CASP2: variants seen among roughly 807,000 people sequenced by gnomAD.
CASP2 encodes caspase-2.
CASP2 carries 38 observed loss-of-function variants against 54.4 expected under a neutral mutation model. That is an observed-to-expected ratio of 0.70 (90% CI 0.54 to 0.92). The LOEUF is 0.92. CASP2 is among the 40% of genes least tolerant of loss of function. The probability of loss-of-function intolerance (pLI) is 0.00; values close to 1 mark genes in which losing one functional copy is unlikely to be tolerated. For synonymous variants in CASP2, 215 were observed against 216.3 expected, an observed-to-expected ratio of 0.99 and a Z score of 0.05; for missense variants, 512 against 579.6, an observed-to-expected ratio of 0.88 and a Z score of 1.20.
chr7:143,296,343 T>A (rs893109779), intron 6 of CASP2, among the ~76,000 whole-genome samples: 1 of 152,220 alleles, frequency 6.6e-6, no homozygotes, highest in Non-Finnish European at 1.5e-5. Flanking sequence ...ATTTTAAAGA[T>A]CAGATGAGGG....
At chr7:143,297,681 A>G (rs1399857412) in intron 6 of CASP2, among the ~76,000 whole-genome samples, 3 of 152,210 alleles carry the variant, frequency 2.0e-5, no homozygotes, top group Non-Finnish European at 4.4e-5. Context: ...TCCTGACCTC[A>G]GGTGATCCAC....
intron 8 of CASP2, chr7:143,301,499 T>A (rs763404428): frequency 6.6e-6 from 1 of 152,192 alleles, no homozygotes; most frequent in Non-Finnish European, 1.5e-5. Flanking sequence ...AGGCCTCATG[T>A]AAGCAAAGGT....
rs1802077688 is a variant in CASP2, at chr7:143,306,774, G to GC, written c.*1704dup. 6.6e-6 allele frequency: 1 copy of GC among 152,132 alleles called. No homozygotes were observed. Among genetic ancestry groups the GC allele is most frequent in the Admixed American group, 6.5e-5 (1 of 15,272 alleles). The allele number at this position is 152,132 out of a possible 1,614,324, so 9.4% of individuals were successfully genotyped here. On this transcript the variant is annotated 3_prime_UTR_variant, in exon 11 of 11. Coordinates refer to ENST00000310447, the MANE Select transcript of CASP2 (RefSeq NM_032982.4). ...GCCTCTCAAATAGCTGGGCTTACAG[G>GC]CATGAGCCACCACACCTGGCCAGGA... is the stretch of plus-strand genomic sequence containing the variant.
intron 6 of CASP2, chr7:143,298,921 T>C (rs1801834311): frequency 6.6e-6 from 1 of 152,052 alleles, no homozygotes; most frequent in African/African-American, 2.4e-5. Flanking sequence ...CACATTGTAA[T>C]GGCACATTTT....
chr7:143,288,374 G>C lies in CASP2; in HGVS notation c.-82G>C. On this transcript the variant is annotated 5_prime_UTR_variant, in exon 1 of 11. Coordinates refer to ENST00000310447, the MANE Select transcript of CASP2 (RefSeq NM_032982.4). ...GCGCAGTGTGCGTCCGCGTCTGAGG[G>C]GAGGGATGTGGGGGAAGCGACGGCC... 2.2e-6 allele frequency: 3 copies of C among 1,391,982 alleles called. No individual in the cohort carries two copies. The highest frequency in any genetic ancestry group is 3.0e-6 in the Non-Finnish European group (3 of 992,092). The allele number at this position is 1,391,982 out of a possible 1,614,324, so 86.2% of individuals were successfully genotyped here. A position where few individuals can be genotyped will look rare whatever the true frequency, so the allele number is the denominator to read the frequency against.
chr7:143,304,625 C>G (rs1802013388), intron 9 of CASP2, 49 bp from the exon 10 acceptor site: 3 of 1,355,348 alleles, frequency 2.2e-6, no homozygotes, highest in Non-Finnish European at 3.2e-6. Context: ...TTGGGAAGTG[C>G]AGCTGTGTGA....
intron 8 of CASP2, chr7:143,302,859 A>T (rs1165338237): frequency 6.6e-6 from 1 of 152,238 alleles, no homozygotes; most frequent in African/African-American, 2.4e-5. Flanking sequence ...AAGAGCAAGG[A>T]TCTGCTCAGG....
intron 2 of CASP2, among the ~76,000 whole-genome samples, 177 bp from the exon 3 acceptor site, chr7:143,292,123 G>A (rs568059177): frequency 3.3e-5 from 5 of 152,204 alleles, no homozygotes; most frequent in African/African-American, 1.2e-4. Flanking sequence ...TTCTACCGTA[G>A]AGCATTTGAG....
intron 6 of CASP2, among the ~76,000 whole-genome samples, chr7:143,299,474 A>T (rs1801851125): frequency 6.6e-6 from 1 of 152,240 alleles, no homozygotes; most frequent in Non-Finnish European, 1.5e-5. Flanking sequence ...ATTCTCTACT[A>T]TCATGATGCT....
intron 8 of CASP2, chr7:143,301,230 TG>T (rs1801908442): frequency 6.6e-6 from 1 of 152,264 alleles, no homozygotes; most frequent in South Asian, 2.1e-4. Flanking sequence ...GCTTATAGTT[TG>T]CTTTAAAGGT....
chr7:143,304,080 T>A (rs1801997786), intron 9 of CASP2, 147 bp downstream of exon 9: 2 of 784,280 alleles, frequency 2.6e-6, no homozygotes, highest in Non-Finnish European at 4.2e-6. Flanking sequence ...TTTTTTTGGA[T>A]TTTGGAATAT....
chr7:143,301,017 A>C, intron 8 of CASP2: 1 of 663,880 alleles, frequency 1.5e-6, no homozygotes, highest in Non-Finnish European at 1.9e-6. Flanking sequence ...AGTAACGTGA[A>C]GTTAAAGAAG....
chr7:143,288,552 G>A (rs377012822), intron 1 of CASP2, 23 bp downstream of exon 1: 1 of 1,602,810 alleles, frequency 6.2e-7, no homozygotes, highest in Non-Finnish European at 8.5e-7. Flanking sequence ...CGGTCTTAGG[G>A]CTCCTTAGGG....
At chr7:143,302,968 T>TA (rs1801959309) in intron 8 of CASP2, 1 of 152,140 alleles carries the variant, frequency 6.6e-6, no homozygotes, top group African/African-American at 2.4e-5. Flanking sequence ...TTTTTCCTCT[T>TA]AAAATTTTCA....
intron 6 of CASP2, among the ~76,000 whole-genome samples, chr7:143,299,095 G>A (rs1416531780): frequency 1.3e-5 from 2 of 152,088 alleles, no homozygotes; most frequent in East Asian, 1.9e-4. Context: ...GAGTAGCTGG[G>A]ACTATAAGCA....
intron 1 of CASP2, among the ~76,000 whole-genome samples, chr7:143,290,425 A>C (rs770037164): frequency 2.0e-5 from 3 of 152,124 alleles, no homozygotes; most frequent in Non-Finnish European, 4.4e-5. Flanking sequence ...TAAGTTATAA[A>C]TGGAAGTTAT....
chr7:143,288,653 C>T (rs1801457726), intron 1 of CASP2, 124 bp downstream of exon 1: 1 of 933,430 alleles, frequency 1.1e-6, no homozygotes, highest in Non-Finnish European at 1.6e-6. Flanking sequence ...TCCGCGCTTC[C>T]TGCCAAGGGT....
rs369175154 is a variant in CASP2, at chr7:143,303,795, C to G, written c.979C>G (p.Arg327Gly). The change falls in exon 9 of 11, where the codon CGT (arginine) becomes GGT (glycine). Residue 327 changes from arginine (R) to glycine (G), a missense_variant. Physicochemically the swap from Arg to Gly is moderately radical, Grantham distance 125. This residue lies in a region of CASP2 where 417 missense variants were observed against 495.4 expected (regional missense o/e 0.84). Coordinates refer to ENST00000310447, the MANE Select transcript of CASP2 (RefSeq NM_032982.4). ...TGCCTTTGTTACAGATGAGACTGAT[C>G]GTGGGGTTGACCAACAAGATGGAAA... ...IQACRGDETD[R>G]GVDQQDGKNH... 6 of 1,613,736 alleles carry G rather than the reference C, an allele frequency of 3.7e-6. No homozygotes were observed. Among genetic ancestry groups the G allele is most frequent in the Non-Finnish European group, 5.1e-6 (6 of 1,179,804 alleles).
intron 8 of CASP2, chr7:143,300,535 C>G (rs564574124): frequency 1.3e-6 from 2 of 1,549,052 alleles, no homozygotes; most frequent in South Asian, 1.2e-5. Context: ...ATCCTGTTTT[C>G]AGGTCTCTTA....
Sources: gnomAD v4.1 joint callset for allele counts (sites outside exome capture counted in the v4.1 genomes callset) on GRCh38, gnomAD v4.1.1 for gene constraint, gnomAD v4.1.1 regional missense constraint, MANE v1.5 for transcripts, NCBI Gene and HGNC (gene_info 2026-07-23, HGNC 2026-07-21) for gene names.